CRACR2A: variants seen among roughly 807,000 people sequenced by gnomAD.
The protein encoded by CRACR2A is calcium release activated channel regulator 2A, also known as EF-hand calcium-binding domain-containing protein 4B.
CRACR2A carries 79 observed loss-of-function variants against 90.5 expected under a neutral mutation model. The ratio of observed to expected loss-of-function variants is 0.87; its 90% CI spans 0.73 to 1.05. The LOEUF is 1.05. Among genes scored for constraint, CRACR2A ranks in the 50% least tolerant of loss-of-function variants. The pLI is 0.00. For missense variants in CRACR2A, 823 were observed against 897.2 expected (o/e 0.92, Z 1.06); for synonymous variants, 338 against 356.7 (o/e 0.95, Z 0.59).
intron 4 of CRACR2A, among the ~76,000 whole-genome samples, chr12:3,692,539 C>T (rs566812510): frequency 1.3e-5 from 2 of 152,202 alleles, no homozygotes; most frequent in Admixed American, 6.5e-5. Flanking sequence ...GGGTGAGGTG[C>T]TTCTGGACCA....
chr12:3,673,724 G>A (rs190708240), intron 6 of CRACR2A, 132 bp from the exon 7 acceptor site: 13 of 1,161,524 alleles, frequency 1.1e-5, no homozygotes, highest in Admixed American at 1.1e-4. Context: ...AGTAGCTAAC[G>A]TGGACCGAAT....
At chr12:3,719,753 C>T (rs183810101) in intron 2 of CRACR2A, among the ~76,000 whole-genome samples, 1 of 152,286 alleles carries the variant, frequency 6.6e-6, no homozygotes, top group East Asian at 1.9e-4. Context: ...TGTGAATGGA[C>T]TTATCTCTCT....
intron 1 of CRACR2A, among the ~76,000 whole-genome samples, chr12:3,734,131 C>T (rs57047692): frequency 0.19 from 29,269 of 151,362 alleles, 3,319 homozygotes; most frequent in Admixed American, 0.28. Flanking sequence ...CCACCACACC[C>T]GGCTAATTTT....
intron 7 of CRACR2A, among the ~76,000 whole-genome samples, chr12:3,661,926 T>C (rs1023932064): frequency 2.6e-5 from 4 of 152,246 alleles, no homozygotes; most frequent in African/African-American, 9.6e-5. Flanking sequence ...ATTAATTCTA[T>C]AATATAATTA....
chr12:3,675,680 T>C (rs1945323212), intron 6 of CRACR2A, among the ~76,000 whole-genome samples: 1 of 152,162 alleles, frequency 6.6e-6, no homozygotes, highest in Non-Finnish European at 1.5e-5. Context: ...CCAAATCCCT[T>C]GCCAGTTTCT....
At chr12:3,646,069 G>A (rs750363353) in intron 11 of CRACR2A, among the ~76,000 whole-genome samples, 1 of 152,188 alleles carries the variant, frequency 6.6e-6, no homozygotes, top group Non-Finnish European at 1.5e-5. Context: ...ATGGGCATGG[G>A]AGGAAGCTCT....
chr12:3,621,992 A>G (rs752747231), intron 17 of CRACR2A, among the ~76,000 whole-genome samples: 1 of 152,148 alleles, frequency 6.6e-6, no homozygotes, highest in Non-Finnish European at 1.5e-5. Context: ...AGGGGCAGGG[A>G]GAGGAGCTGG....
At chr12:3,683,581 C>T (rs1391960396) in intron 4 of CRACR2A, among the ~76,000 whole-genome samples, 3 of 152,184 alleles carry the variant, frequency 2.0e-5, no homozygotes, top group Non-Finnish European at 4.4e-5. Context: ...TTGCACCTCC[C>T]CAGGTTAGGT....
At chr12:3,664,547 AT>A (rs1176802322) in intron 7 of CRACR2A, among the ~76,000 whole-genome samples, 1 of 152,150 alleles carries the variant, frequency 6.6e-6, no homozygotes, top group East Asian at 1.9e-4. Context: ...TATGGATGGA[AT>A]TTTTTTATTA....
At chr12:3,704,398 G>A (rs1029810556) in intron 3 of CRACR2A, among the ~76,000 whole-genome samples, 1 of 152,116 alleles carries the variant, frequency 6.6e-6, no homozygotes, top group African/African-American at 2.4e-5. Context: ...TTACCAAGGG[G>A]CAACAGGAAA....
At chr12:3,652,775 T>C (rs1374320523) in intron 10 of CRACR2A, among the ~76,000 whole-genome samples, 2 of 132,986 alleles carry the variant, frequency 1.5e-5, no homozygotes, top group African/African-American at 6.1e-5. Context: ...ACTACTTTTT[T>C]CAGAATAAAT....
At chr12:3,638,977 G>GAGTTGTAGTA (rs1168901053) in intron 13 of CRACR2A, among the ~76,000 whole-genome samples, 2 of 152,132 alleles carry the variant, frequency 1.3e-5, no homozygotes, top group Non-Finnish European at 1.5e-5. Flanking sequence ...CAACTCTTCA[G>GAGTTGTAGTA]ACCTTGCTGT....
At chr12:3,706,622 A>G (rs1376595887) in intron 3 of CRACR2A, among the ~76,000 whole-genome samples, 1 of 152,136 alleles carries the variant, frequency 6.6e-6, no homozygotes, top group African/African-American at 2.4e-5. Flanking sequence ...TTATTTAGAG[A>G]CGGAGTCTCA....
chr12:3,740,745 G>A (rs73249718), intron 1 of CRACR2A, among the ~76,000 whole-genome samples: 1,530 of 152,266 alleles, frequency 0.01, 27 homozygotes, highest in African/African-American at 0.035. Context: ...GTTATTGAGT[G>A]GGCTCTGCAG....
chr12:3,703,419 T>C (rs1390797315), intron 3 of CRACR2A, among the ~76,000 whole-genome samples: 2 of 152,144 alleles, frequency 1.3e-5, no homozygotes, highest in Non-Finnish European at 2.9e-5. Flanking sequence ...TTGTACCATA[T>C]ACAAAAAATA....
At chr12:3,629,512 C>T (rs552396287) in intron 15 of CRACR2A, among the ~76,000 whole-genome samples, 2 of 152,348 alleles carry the variant, frequency 1.3e-5, no homozygotes, top group East Asian at 1.9e-4. Context: ...CATACAGCTT[C>T]AGGGCCAGAT....
intron 17 of CRACR2A, among the ~76,000 whole-genome samples, chr12:3,624,869 C>T (rs1944225680): frequency 6.6e-6 from 1 of 152,238 alleles, no homozygotes. Flanking sequence ...TGTTAGGGTT[C>T]AAGGAGCGCT....
intron 15 of CRACR2A, among the ~76,000 whole-genome samples, chr12:3,630,546 T>C (rs1048102658): frequency 6.6e-6 from 1 of 152,194 alleles, no homozygotes; most frequent in African/African-American, 2.4e-5. Flanking sequence ...TTCTGGCCTG[T>C]GATTTAACAC....
intron 17 of CRACR2A, among the ~76,000 whole-genome samples, chr12:3,623,661 T>C (rs1252951237): frequency 6.6e-6 from 1 of 152,170 alleles, no homozygotes; most frequent in Non-Finnish European, 1.5e-5. Flanking sequence ...GGGTTGGAAA[T>C]GCCGAGTTGG....
Sources: gnomAD v4.1 joint callset for allele counts (sites outside exome capture counted in the v4.1 genomes callset) on GRCh38, gnomAD v4.1.1 for gene constraint, MANE v1.5 for transcripts, NCBI Gene and HGNC (gene_info 2026-07-23, HGNC 2026-07-21) for gene names.